CCDC192: variants seen among roughly 807,000 people sequenced by gnomAD.
The protein encoded by CCDC192 is coiled-coil domain-containing protein 192.
At chr5:127,719,244 G>A (rs561977885) in intron 2 of CCDC192, among the ~76,000 whole-genome samples, 219 of 151,762 alleles carry the variant, frequency 1.4e-3, no homozygotes, top group African/African-American at 5.0e-3. Flanking sequence ...CTTTTATATG[G>A]CTGACTAGTA....
chr5:127,777,544 C>T lies in CCDC192; in HGVS notation c.223-19559C>T, dbSNP rs142253240. On this transcript the variant is annotated intron_variant, in intron 3 of 6. Coordinates refer to ENST00000514853, the MANE Select transcript of CCDC192 (RefSeq NM_001317938.2). The stretch of plus-strand genomic sequence containing the variant: ...ACTTTTGGGGACTGTTGGGAAGGCA[C>T]GATTGGTTTTGGAATGTGAGGACAT... 2.2e-3 allele frequency among the ~76,000 whole-genome samples: 336 copies of T among 152,082 alleles called. 1 individual carries two copies. Among genetic ancestry groups the T allele is most frequent in the Admixed American group, 5.6e-3 (85 of 15,258 alleles).
chr5:127,773,407 T>G (rs1276882267), intron 3 of CCDC192, among the ~76,000 whole-genome samples: 1 of 152,182 alleles, frequency 6.6e-6, no homozygotes, highest in Non-Finnish European at 1.5e-5. Context: ...AGAAGAACAC[T>G]TTATGCCCAT....
chr5:127,857,948 C>G (rs772363584), intron 5 of CCDC192: 1 of 152,582 alleles, frequency 6.6e-6, no homozygotes, highest in Non-Finnish European at 1.5e-5. Flanking sequence ...GACCAAACAA[C>G]TGGGCACTAT....
chr5:127,758,650 G>A, intron 3 of CCDC192, among the ~76,000 whole-genome samples: 1 of 152,072 alleles, frequency 6.6e-6, no homozygotes. Flanking sequence ...TTAAGATCAG[G>A]TGGGAGGAAA....
chr5:127,850,344 C>T lies in CCDC192; in HGVS notation c.412-25194C>T, dbSNP rs373199490. ...TTTAAAAATTCTCTTAAAGGTACTC[C>T]CAGGGCTAATGCACTAGAATGCATC... On this transcript the variant is annotated intron_variant, in intron 5 of 6. Transcript: ENST00000514853. 8.5e-5 allele frequency among the ~76,000 whole-genome samples: 13 copies of T among 152,190 alleles called. 1 individual carries two copies. In the South Asian group the frequency reaches 2.5e-3, roughly 29 times the overall value.
intron 2 of CCDC192, among the ~76,000 whole-genome samples, chr5:127,728,885 CAA>C (rs1038707510): frequency 6.6e-6 from 1 of 151,810 alleles, no homozygotes; most frequent in African/African-American, 2.4e-5. Context: ...GAAAAAAACA[CAA>C]ATTGCAATCC....
At chr5:127,819,980 C>T (rs1749208227) in intron 5 of CCDC192, among the ~76,000 whole-genome samples, 1 of 152,228 alleles carries the variant, frequency 6.6e-6, no homozygotes, top group African/African-American at 2.4e-5. Context: ...CACACGCACA[C>T]ACACTCTCTC....
Position 127,792,525 on chromosome 5 carries a change from C to CATATAT in CCDC192, c.223-4561_223-4556dup, listed in dbSNP as rs34017962. ...ACACAACCAAACCATATCACCATCT[C>CATATAT]ATATATATATATATATATATATGTA... On this transcript the variant is annotated intron_variant, in intron 3 of 6. Transcript: ENST00000514853. 2.9e-3 allele frequency among the ~76,000 whole-genome samples: 410 copies of CATATAT among 141,282 alleles called. 3 individuals are homozygous for CATATAT. Among genetic ancestry groups the CATATAT allele is most frequent in the East Asian group, 0.018 (88 of 4,836 alleles). The allele number at this position is 141,282 out of a possible 152,430, so 92.7% of individuals were successfully genotyped here.
At chr5:127,738,451 G>A (rs1367035969) in intron 2 of CCDC192, among the ~76,000 whole-genome samples, 2 of 143,992 alleles carry the variant, frequency 1.4e-5, no homozygotes, top group East Asian at 2.0e-4. Context: ...GGCGTTCTCT[G>A]TATTTCCTGA....
At chr5:127,718,774 C>T (rs1751788401) in intron 2 of CCDC192, among the ~76,000 whole-genome samples, 1 of 152,040 alleles carries the variant, frequency 6.6e-6, no homozygotes, top group African/African-American at 2.4e-5. Flanking sequence ...TATGGGTACA[C>T]AGTGGTGTGT....
intron 3 of CCDC192, among the ~76,000 whole-genome samples, chr5:127,766,612 A>T (rs1049864532): frequency 1.4e-5 from 1 of 69,628 alleles, no homozygotes; most frequent in Non-Finnish European, 3.4e-5. Context: ...CCTGTGTAAA[A>T]AAAAAAAAAA....
chr5:127,827,661 T>C (rs1263034528), intron 5 of CCDC192, among the ~76,000 whole-genome samples: 4 of 152,176 alleles, frequency 2.6e-5, no homozygotes, highest in African/African-American at 7.2e-5. Flanking sequence ...TCAGCAGTTC[T>C]CCCCTGCCCA....
chr5:127,929,554 A>G (rs1361289643), intron 6 of CCDC192, among the ~76,000 whole-genome samples: 1 of 152,252 alleles, frequency 6.6e-6, no homozygotes, highest in African/African-American at 2.4e-5. Context: ...CAAGTCAGCT[A>G]AATCAAAATA....
chr5:127,936,419 G>A (rs1222303551), intron 6 of CCDC192, among the ~76,000 whole-genome samples: 1 of 152,186 alleles, frequency 6.6e-6, no homozygotes, highest in Admixed American at 6.5e-5. Context: ...ATAGAAAAGT[G>A]AGTACAGCCT....
intron 5 of CCDC192, among the ~76,000 whole-genome samples, chr5:127,798,724 CAT>C (rs927987125): frequency 1.9e-4 from 28 of 150,362 alleles, no homozygotes; most frequent in African/African-American, 6.3e-4. Context: ...TTTATACATA[CAT>C]ATATATATTA....
chr5:127,905,765 C>T (rs1167035715), intron 6 of CCDC192, among the ~76,000 whole-genome samples: 1 of 152,042 alleles, frequency 6.6e-6, no homozygotes, highest in Non-Finnish European at 1.5e-5. Context: ...TTAGTATTTT[C>T]CATTTAATCA....
chr5:127,920,351 A>G (rs560781879), intron 6 of CCDC192, among the ~76,000 whole-genome samples: 3 of 151,894 alleles, frequency 2.0e-5, no homozygotes, highest in Non-Finnish European at 4.4e-5. Flanking sequence ...GATGATGATC[A>G]TCATTATGAT....
At chr5:127,740,280 A>G (rs1207220698) in intron 2 of CCDC192, 1 of 152,194 alleles carries the variant, frequency 6.6e-6, no homozygotes, top group Non-Finnish European at 1.5e-5. Flanking sequence ...TCTTAGAAGC[A>G]TTTTGATTGC....
intron 2 of CCDC192, among the ~76,000 whole-genome samples, chr5:127,734,778 G>GT (rs1185522772): frequency 8.6e-5 from 13 of 150,328 alleles, no homozygotes; most frequent in Admixed American, 7.9e-4. Flanking sequence ...GGGGTTGTTT[G>GT]TTTTTTTCTT....
Sources: allele counts gnomAD v4.1 joint callset (sites outside exome capture counted in the v4.1 genomes callset), GRCh38; gene constraint gnomAD v4.1.1; transcripts MANE v1.5; gene names NCBI Gene and HGNC (gene_info 2026-07-23, HGNC 2026-07-21).